Variants in DHRSX observed in about 807,000 individuals in gnomAD.
DHRSX encodes the protein dehydrogenase/reductase X-linked, also known as polyprenol dehydrogenase.
In DHRSX, 31 loss-of-function variants were observed where a neutral mutation model predicts 34.0. The observed-to-expected ratio is 0.91, with a 90% confidence interval of 0.69 to 1.23. DHRSX has a LOEUF of 1.23. Ranked by LOEUF, DHRSX falls within the 50% of genes most tolerant of loss-of-function variation. The probability of loss-of-function intolerance (pLI) is 0.00; values close to 1 mark genes in which losing one functional copy is unlikely to be tolerated. For missense variants in DHRSX, 414 were observed against 428.1 expected, an observed-to-expected ratio of 0.97 and a Z score of 0.29; for synonymous variants, 201 against 183.8, an observed-to-expected ratio of 1.09 and a Z score of -0.76.
chrX:2,448,519 A>G (rs2044170789), intron 1 of DHRSX, among the ~76,000 whole-genome samples: 1 of 148,310 alleles, frequency 6.7e-6, no homozygotes, highest in Non-Finnish European at 1.5e-5. Context: ...AGTTAAGGTT[A>G]TGTGAATATG....
At position 2,490,189 on chromosome X, in the gene DHRSX, G is replaced by A. The variant is rs780516244; in HGVS notation, c.109+10628C>T. 1.4e-5 allele frequency: 23 copies of A among 1,613,834 alleles called. No homozygotes were observed. The African/African-American group carries it at 1.5e-4, about 10-fold the overall frequency. On this transcript the variant is annotated intron_variant, in intron 1 of 6. Coordinates refer to ENST00000334651, the MANE Select transcript of DHRSX (RefSeq NM_145177.3). ...TCAGGATCACCTCCCGGACGGCCCC[G>A]TACTTCTCAGGGATGGCCTTGGTAG... is the stretch of plus-strand genomic sequence containing the variant.
At chrX:2,492,584 G>C (rs926870568) in intron 1 of DHRSX, among the ~76,000 whole-genome samples, 1 of 151,688 alleles carries the variant, frequency 6.6e-6, no homozygotes, top group African/African-American at 2.4e-5. Context: ...AGATCATCCG[G>C]GATTTGAGTG....
intron 1 of DHRSX, among the ~76,000 whole-genome samples, chrX:2,499,503 C>A (rs1484438759): frequency 6.6e-6 from 1 of 152,208 alleles, no homozygotes; most frequent in Non-Finnish European, 1.5e-5. Flanking sequence ...GGCACAGTGG[C>A]GCTCTGTCTG....
At chrX:2,271,758 G>A (rs1371963145) in intron 4 of DHRSX, among the ~76,000 whole-genome samples, 1 of 152,098 alleles carries the variant, frequency 6.6e-6, no homozygotes, top group Non-Finnish European at 1.5e-5. Context: ...CAGAAAAAAA[G>A]CCCGGCCCGG....
chrX:2,354,507 G>A (rs185029959), intron 3 of DHRSX, among the ~76,000 whole-genome samples: 2 of 152,320 alleles, frequency 1.3e-5, no homozygotes, highest in African/African-American at 2.4e-5. Flanking sequence ...TGTCAGCCAG[G>A]CTGGAGTGCA....
chrX:2,400,279 A>G (rs6567660), intron 3 of DHRSX, among the ~76,000 whole-genome samples: 119,462 of 152,006 alleles, frequency 0.79, 47,960 homozygotes, highest in African/African-American at 0.95. Context: ...GGAGAATTCC[A>G]TGCCATCAAC....
intron 2 of DHRSX, among the ~76,000 whole-genome samples, chrX:2,412,103 G>A (rs1489585034): frequency 6.6e-6 from 1 of 152,200 alleles, no homozygotes; most frequent in Non-Finnish European, 1.5e-5. Flanking sequence ...TGCTGGAGTG[G>A]TTCCTACATT....
intron 3 of DHRSX, among the ~76,000 whole-genome samples, chrX:2,342,218 T>C (rs1249672707): frequency 2.6e-5 from 4 of 152,132 alleles, no homozygotes; most frequent in Non-Finnish European, 4.4e-5. Context: ...GTCGGCCACA[T>C]ATCCAGAAAA....
rs778957532 is a variant in DHRSX at position 2,243,788 on chromosome X, G to GTTTTTTTTTTTTTTTTTTTTTT, written c.597-580_597-559dup. ...ACAGGCAGGAGCCACTATGCTCCCT[G>GTTTTTTTTTTTTTTTTTTTTTT]TTTTTTTTTTTTTTTTTTTTTTTTT... On this transcript the variant is annotated intron_variant, in intron 5 of 6. Coordinates refer to ENST00000334651, the MANE Select transcript of DHRSX (RefSeq NM_145177.3). 7.2e-4 allele frequency among the ~76,000 whole-genome samples: 18 copies of GTTTTTTTTTTTTTTTTTTTTTT among 25,160 alleles called. 2 individuals are homozygous for GTTTTTTTTTTTTTTTTTTTTTT. The highest frequency in any genetic ancestry group is 3.9e-3 in the East Asian group (2 of 516). 16.5% of individuals were successfully genotyped at this position (25,160 alleles called of 152,430 possible).
chrX:2,485,991 G>A (rs946990935), intron 1 of DHRSX, among the ~76,000 whole-genome samples: 3 of 151,508 alleles, frequency 2.0e-5, no homozygotes, highest in African/African-American at 7.3e-5. Flanking sequence ...AGGAGGGAAG[G>A]AAGAGACCAT....
intron 3 of DHRSX, among the ~76,000 whole-genome samples, chrX:2,394,436 G>A (rs920882398): frequency 1.3e-5 from 2 of 152,212 alleles, no homozygotes; most frequent in South Asian, 2.1e-4. Context: ...CAGAGCTATC[G>A]GTGAGGATAG....
chrX:2,411,365 A>T (rs771870742), intron 2 of DHRSX, among the ~76,000 whole-genome samples: 1 of 152,088 alleles, frequency 6.6e-6, no homozygotes, highest in African/African-American at 2.4e-5. Flanking sequence ...CCTGGCCAAC[A>T]TGAGGAAACC....
intron 3 of DHRSX, among the ~76,000 whole-genome samples, chrX:2,397,969 A>AC (rs1569497136): frequency 9.5e-5 from 14 of 147,714 alleles, no homozygotes; most frequent in African/African-American, 3.4e-4. Flanking sequence ...TACATATGCC[A>AC]ACAGGCTGAT....
chrX:2,364,285 A>G (rs1338389429), intron 3 of DHRSX, among the ~76,000 whole-genome samples: 1 of 152,162 alleles, frequency 6.6e-6, no homozygotes, highest in Non-Finnish European at 1.5e-5. Flanking sequence ...TTTGGTTGTT[A>G]TAACTGCGGT....
chrX:2,472,043 G>T (rs1229216291), intron 1 of DHRSX, among the ~76,000 whole-genome samples: 1 of 151,724 alleles, frequency 6.6e-6, no homozygotes, highest in Non-Finnish European at 1.5e-5. Flanking sequence ...TACTCAGAAG[G>T]CTGAGGCAGG....
intron 1 of DHRSX, among the ~76,000 whole-genome samples, chrX:2,464,105 T>C (rs1427211744): frequency 6.8e-6 from 1 of 148,028 alleles, no homozygotes; most frequent in African/African-American, 2.5e-5. Flanking sequence ...GTTCCCTAAG[T>C]ACGTGGCTAA....
chrX:2,326,256 C>T (rs1290608865), intron 3 of DHRSX, among the ~76,000 whole-genome samples: 1 of 152,168 alleles, frequency 6.6e-6, no homozygotes, highest in African/African-American at 2.4e-5. Flanking sequence ...GGCATGGTGG[C>T]TCGCACCTGT....
intron 3 of DHRSX, among the ~76,000 whole-genome samples, chrX:2,304,761 C>A (rs1373845539): frequency 6.6e-6 from 1 of 152,126 alleles, no homozygotes; most frequent in Admixed American, 6.6e-5. Context: ...GCCAATTAAA[C>A]TTCTTTTCTT....
intron 1 of DHRSX, among the ~76,000 whole-genome samples, chrX:2,429,884 C>T (rs891571930): frequency 1.2e-4 from 18 of 152,024 alleles, no homozygotes; most frequent in African/African-American, 4.4e-4. Context: ...ACAAAATCAA[C>T]ATTAAATAAA....
Sources: allele counts gnomAD v4.1 joint callset (sites outside exome capture counted in the v4.1 genomes callset), GRCh38; gene constraint gnomAD v4.1.1; transcripts MANE v1.5; gene names NCBI Gene and HGNC (gene_info 2026-07-23, HGNC 2026-07-21).